The following ALG12 variants were observed in gnomAD, a reference collection of about 807,000 sequenced individuals.
ALG12 encodes the protein ALG12 alpha-1,6-mannosyltransferase, also known as dol-P-Man:Man(7)GlcNAc(2)-PP-Dol alpha-1,6-mannosyltransferase.
A neutral mutation model predicts 46.0 loss-of-function variants in ALG12; 36 were observed. The ratio of observed to expected loss-of-function variants is 0.78; its 90% CI spans 0.60 to 1.03. ALG12 has a LOEUF of 1.03. ALG12 is among the 50% of genes least tolerant of loss of function. The pLI, the probability that ALG12 is intolerant of heterozygous loss-of-function variation, is 0.00. For missense variants in ALG12, 599 were observed against 633.5 expected, an observed-to-expected ratio of 0.95 and a Z score of 0.58; for synonymous variants, 326 against 291.6, an observed-to-expected ratio of 1.12 and a Z score of -1.20.
chr22:49,901,927 CTGTG>C lies in ALG12; in HGVS notation c.*1907_*1910del, dbSNP rs565013645. 4 of 123,492 alleles carry C rather than the reference CTGTG, an allele frequency of 3.2e-5. No homozygotes were observed. Among genetic ancestry groups the C allele is most frequent in the South Asian group, 2.9e-4 (1 of 3,444 alleles). 7.6% of individuals were successfully genotyped at this position (123,492 alleles called of 1,614,324 possible). A position where few individuals can be genotyped will look rare whatever the true frequency, so the allele number is the denominator to read the frequency against. Reference sequence around the variant, plus strand: ...ATGCATGGTAATGTGCACGCATGCACTGTGTGTATGCACGGTAATGTGCACGTGT... The same window carrying C: ...ATGCATGGTAATGTGCACGCATGCACTGTATGCACGGTAATGTGCACGTGT... On this transcript the variant is annotated 3_prime_UTR_variant, in exon 10 of 10. Coordinates refer to ENST00000330817, the MANE Select transcript of ALG12 (RefSeq NM_024105.4).
intron 1 of ALG12, among the ~76,000 whole-genome samples, chr22:49,916,534 C>A (rs941688338): frequency 6.6e-6 from 1 of 152,062 alleles, no homozygotes; most frequent in Admixed American, 6.6e-5. Flanking sequence ...AAGCCAAGAT[C>A]GCACCACTGT....
chr22:49,909,784 T>A, intron 5 of ALG12, 110 bp downstream of exon 5: 2 of 1,449,046 alleles, frequency 1.4e-6, no homozygotes, highest in South Asian at 2.4e-5. Context: ...ACTGCTAAAT[T>A]TAGGGTCATT....
chr22:49,879,665 C>T, the ALG12 span, among the ~76,000 whole-genome samples: 1 of 93,678 alleles, frequency 1.1e-5, no homozygotes, highest in African/African-American at 3.3e-5. Context: ...TGGTTTTTCT[C>T]CTGGTCAGTG....
At chr22:49,910,754 C>G in intron 3 of ALG12, 147 bp from the exon 4 acceptor site, 2 of 950,474 alleles carry the variant, frequency 2.1e-6, no homozygotes, top group East Asian at 2.5e-5. Flanking sequence ...GGCAAAGCAG[C>G]CTTGAGGGCA....
chr22:49,867,184 T>G, the ALG12 span, among the ~76,000 whole-genome samples: 2 of 152,256 alleles, frequency 1.3e-5, no homozygotes, highest in Admixed American at 1.3e-4. Context: ...AATTGTATTT[T>G]GTTTTCAAAT....
At chr22:49,888,770 C>T in the ALG12 span, 24 of 167,236 alleles carry the variant, frequency 1.4e-4, no homozygotes, top group Non-Finnish European at 2.5e-4. Context: ...GTGAGAACAG[C>T]CTGCTTCCAG....
downstream of ALG12, among the ~76,000 whole-genome samples, chr22:49,897,801 G>A (rs575068940): frequency 5.9e-4 from 86 of 146,372 alleles, no homozygotes; most frequent in Non-Finnish European, 9.3e-4. Flanking sequence ...GACAACAGGT[G>A]CCCACCACCA....
the ALG12 span, among the ~76,000 whole-genome samples, chr22:49,880,547 TTTCTC>T: frequency 6.6e-6 from 1 of 152,236 alleles, no homozygotes; most frequent in African/African-American, 2.4e-5. Flanking sequence ...TGTCCTGTGC[TTTCTC>T]TTCTCTCTCA....
chr22:49,897,806 C>T (rs2060489507), downstream of ALG12, among the ~76,000 whole-genome samples: 1 of 151,508 alleles, frequency 6.6e-6, no homozygotes, highest in African/African-American at 2.4e-5. Flanking sequence ...CAGGTGCCCA[C>T]CACCACGCCC....
chr22:49,892,187 CAAAAAAAA>C, the ALG12 span, among the ~76,000 whole-genome samples: 8 of 55,328 alleles, frequency 1.4e-4, no homozygotes, highest in East Asian at 1.4e-3. Context: ...GACTCTGTCT[CAAAAAAAA>C]AAAAAAAAAA....
intron 6 of ALG12, 139 bp downstream of exon 6, chr22:49,909,105 G>C: frequency 1.1e-6 from 1 of 892,130 alleles, no homozygotes; most frequent in Non-Finnish European, 1.8e-6. Context: ...AGGAGCAAGT[G>C]GGAGGGAGGG....
At chr22:49,911,563 T>A (rs2060576644) in intron 3 of ALG12, among the ~76,000 whole-genome samples, 2 of 151,888 alleles carry the variant, frequency 1.3e-5, no homozygotes, top group South Asian at 4.2e-4. Context: ...GCCTCCGGAG[T>A]AGCTGGGATT....
intron 1 of ALG12, 66 bp from the exon 2 acceptor site, chr22:49,913,909 G>C: frequency 9.8e-7 from 1 of 1,025,620 alleles, no homozygotes. Context: ...TGGGAGATCC[G>C]GGTAAAGGGT....
the ALG12 span, among the ~76,000 whole-genome samples, chr22:49,863,896 T>C: frequency 6.6e-6 from 1 of 152,264 alleles, no homozygotes; most frequent in Non-Finnish European, 1.5e-5. Flanking sequence ...TGTTAAATTC[T>C]GTCCTCTTTG....
At chr22:49,890,798 C>T in the ALG12 span, among the ~76,000 whole-genome samples, 10 of 152,240 alleles carry the variant, frequency 6.6e-5, no homozygotes, top group African/African-American at 1.9e-4. Context: ...GGGCAGATCA[C>T]GAGGTCAGGA....
At chr22:49,897,281 T>C (rs1244761032), downstream of ALG12, among the ~76,000 whole-genome samples, 1 of 152,244 alleles carries the variant, frequency 6.6e-6, no homozygotes, top group Non-Finnish European at 1.5e-5. Flanking sequence ...ACACCTGCTA[T>C]GAATATCCTT....
chr22:49,903,957 C>G lies in ALG12; in HGVS notation c.1348G>C (p.Val450Leu). ...GTGGTCCCCACGACGCTGGCCAGGA[C>G]CCGGTGTGTGTCCCTGTAGAGGGCC... is the stretch of plus-strand genomic sequence containing the variant. The part of the protein sequence containing the change: ...LLALYRDTHR[V>L]LASVVGTTGV... The change falls in exon 10 of 10, where the codon GTC becomes CTC. Residue 450 changes from valine (V) to leucine (L), a missense_variant. Transcript: ENST00000330817. 1 of 1,614,190 alleles carries G rather than the reference C, an allele frequency of 6.2e-7. No homozygotes were observed. Among genetic ancestry groups the G allele is most frequent in the Non-Finnish European group, 8.5e-7 (1 of 1,180,008 alleles).
At chr22:49,876,833 T>C in the ALG12 span, among the ~76,000 whole-genome samples, 3 of 152,220 alleles carry the variant, frequency 2.0e-5, no homozygotes, top group East Asian at 1.9e-4. Flanking sequence ...ATTTACAAAA[T>C]ATAGGAATTC....
chr22:49,898,847 G>A (rs1403016041), downstream of ALG12, among the ~76,000 whole-genome samples: 1 of 152,036 alleles, frequency 6.6e-6, no homozygotes, highest in Admixed American at 6.6e-5. Flanking sequence ...CAACCTCCTG[G>A]GCTCAAGGGT....
Sources: gnomAD v4.1 joint callset for allele counts (sites outside exome capture counted in the v4.1 genomes callset) on GRCh38, gnomAD v4.1.1 for gene constraint, MANE v1.5 for transcripts, NCBI Gene and HGNC (gene_info 2026-07-23, HGNC 2026-07-21) for gene names.